Variants in ENOX1 observed in about 807,000 individuals in gnomAD.
ENOX1 encodes the protein candidate growth-related and time keeping constitutive hydroquinone (NADH) oxidase.
ENOX1 carries 42 observed loss-of-function variants against 82.5 expected under a neutral mutation model. The ratio of observed to expected loss-of-function variants is 0.51; its 90% confidence interval spans 0.40 to 0.66. The LOEUF (loss-of-function observed/expected upper bound fraction) is 0.66. Among genes scored for constraint, ENOX1 ranks in the 30% least tolerant of loss-of-function variants. The pLI, the probability that ENOX1 is intolerant of heterozygous loss-of-function variation, is 0.00. For synonymous variants in ENOX1, 271 were observed against 282.2 expected, an observed-to-expected ratio of 0.96 and a Z score of 0.40; for missense variants, 608 against 811.6, an observed-to-expected ratio of 0.75 and a Z score of 3.05.
chr13:43,641,520 T>C (rs1458961392), intron 2 of ENOX1, among the ~76,000 whole-genome samples: 1 of 117,556 alleles, frequency 8.5e-6, no homozygotes, highest in Non-Finnish European at 1.7e-5. Context: ...AGAGTAACAT[T>C]AATTTTTAAT....
At chr13:43,658,797 G>T (rs2084571629) in intron 2 of ENOX1, among the ~76,000 whole-genome samples, 1 of 152,070 alleles carries the variant, frequency 6.6e-6, no homozygotes, top group South Asian at 2.1e-4. Context: ...CTCTTGTGTT[G>T]GTCCTATCTC....
At position 43,750,349 on chromosome 13, in the gene ENOX1, T is replaced by C. The variant is rs200961794; in HGVS notation, c.-285+36303A>G. 3.9e-5 allele frequency among the ~76,000 whole-genome samples: 6 copies of C among 152,252 alleles called. No individual in the cohort carries two copies. The East Asian group carries it at 1.2e-3, about 29-fold the overall frequency. ...CAGTATTATTATTTCCAGCATCCCT[T>C]AATAGTGTCAAAAGCATAACATTCC... On this transcript the variant is annotated intron_variant, in intron 1 of 16. Transcript: ENST00000690772.
At chr13:43,779,226 G>A (rs889009522) in intron 1 of ENOX1, among the ~76,000 whole-genome samples, 4 of 149,730 alleles carry the variant, frequency 2.7e-5, no homozygotes, top group African/African-American at 4.9e-5. Flanking sequence ...CATATCTTAC[G>A]TTGAAGAAGC....
intron 1 of ENOX1, among the ~76,000 whole-genome samples, chr13:43,773,721 T>C (rs927210827): frequency 1.3e-5 from 2 of 152,228 alleles, no homozygotes; most frequent in Admixed American, 1.3e-4. Context: ...AAAGTACTTA[T>C]CATAAGATCC....
chr13:43,535,407 C>CAA (rs1173735091), intron 2 of ENOX1, among the ~76,000 whole-genome samples: 2 of 152,170 alleles, frequency 1.3e-5, no homozygotes, highest in East Asian at 3.8e-4. Context: ...TTGCCTCTAG[C>CAA]ATCCCAGGAA....
chr13:43,658,613 G>C (rs1019059504), intron 2 of ENOX1, among the ~76,000 whole-genome samples: 12 of 152,070 alleles, frequency 7.9e-5, no homozygotes, highest in Non-Finnish European at 1.3e-4. Flanking sequence ...GCCTCCCCAA[G>C]ATCTGTAAAT....
intron 1 of ENOX1, among the ~76,000 whole-genome samples, chr13:43,778,211 A>T (rs1337672174): frequency 6.6e-6 from 1 of 152,256 alleles, no homozygotes; most frequent in Non-Finnish European, 1.5e-5. Flanking sequence ...AGCCTGCCTT[A>T]TCTTATTTCA....
chr13:43,424,548 T>C (rs1178187868), intron 3 of ENOX1, among the ~76,000 whole-genome samples: 1 of 152,194 alleles, frequency 6.6e-6, no homozygotes, highest in Admixed American at 6.5e-5. Flanking sequence ...AATAACATAT[T>C]AGTTACTCTT....
At chr13:43,374,295 G>A (rs1343069828) in intron 5 of ENOX1, among the ~76,000 whole-genome samples, 2 of 149,952 alleles carry the variant, frequency 1.3e-5, no homozygotes, top group African/African-American at 4.9e-5. Context: ...ACCCAGGCTG[G>A]AGTGCAGCAG....
Position 43,726,753 on chromosome 13 carries a change from TGA to T in ENOX1, c.-284-59211_-284-59210del, listed in dbSNP as rs1555370112. 1.9e-3 allele frequency among the ~76,000 whole-genome samples: 270 copies of T among 141,136 alleles called. 3 individuals are homozygous for T. The highest frequency in any genetic ancestry group is 5.8e-3 in the African/African-American group (200 of 34,700). The allele number at this position is 141,136 out of a possible 152,430, so 92.6% of individuals were successfully genotyped here. On this transcript the variant is annotated intron_variant, in intron 1 of 16. Transcript: ENST00000690772. ...GTGTGTGTGTGTGTGTGTGTGTGTG[TGA>T]GAGAGAGACAGGGTCTCACTGTGTC...
chr13:43,543,358 C>T lies in ENOX1; in HGVS notation c.-218-59206G>A, dbSNP rs151217157. ...TTGTTTTGGTAAGCTAGAACAGAAG[C>T]TATCGGAATATACTGTATGTAATAG... On this transcript the variant is annotated intron_variant, in intron 2 of 16. Transcript: ENST00000690772. Among the ~76,000 whole-genome samples, 917 of 152,128 alleles carry T rather than the reference C, an allele frequency of 6.0e-3. 5 individuals carry two copies. The highest frequency in any genetic ancestry group is 0.011 in the Non-Finnish European group (727 of 67,986).
Position 43,412,881 on chromosome 13 carries a change from G to T in ENOX1, c.34C>A (p.Gln12Lys), listed in dbSNP as rs745394819. ...ATCTGAGGAAGCTCCTGGGGAAGCT[G>T]GGTGATGTTCTCAACTCCACCTGCA... The part of the protein sequence containing the change: ...VDAGGVENIT[Q>K]LPQELPQMMA... Residue 12 changes from glutamine (Q) to lysine (K), a missense_variant, in exon 4 of 17, where the codon CAG becomes AAG. Gln to Lys is a moderately conservative substitution (Grantham distance 53). Transcript: ENST00000690772. 101 of 1,613,968 alleles carry T rather than the reference G, an allele frequency of 6.3e-5. No individual in the cohort carries two copies. Among genetic ancestry groups the T allele is most frequent in the Admixed American group, 1.0e-4 (6 of 59,994 alleles).
At chr13:43,543,913 C>CTTTTTTTTTTTTTTTTTTTTTTT (rs11324994) in intron 2 of ENOX1, 5 of 97,422 alleles carry the variant, frequency 5.1e-5, no homozygotes, top group Non-Finnish European at 1.0e-4. Context: ...TTTTCTTTTT[C>CTTTTTTTTTTTTTTTTTTTTTTT]TTTTTTTTTT....
intron 7 of ENOX1, among the ~76,000 whole-genome samples, chr13:43,356,728 A>G (rs2050182421): frequency 6.6e-6 from 1 of 152,142 alleles, no homozygotes; most frequent in Non-Finnish European, 1.5e-5. Context: ...CAAAAGCCAC[A>G]ATTACCAAGG....
intron 5 of ENOX1, among the ~76,000 whole-genome samples, chr13:43,373,378 C>A (rs188851246): frequency 1.3e-5 from 2 of 152,212 alleles, no homozygotes; most frequent in East Asian, 3.9e-4. Flanking sequence ...ATTTTTCATG[C>A]CTGGAAATGA....
chr13:43,684,015 C>T (rs762364785), intron 1 of ENOX1, among the ~76,000 whole-genome samples: 1 of 142,396 alleles, frequency 7.0e-6, no homozygotes, highest in Non-Finnish European at 1.5e-5. Flanking sequence ...CAAGGCCTAC[C>T]TTAAAATGTA....
intron 2 of ENOX1, among the ~76,000 whole-genome samples, chr13:43,664,319 A>G (rs1472655395): frequency 6.6e-6 from 1 of 152,220 alleles, no homozygotes; most frequent in Non-Finnish European, 1.5e-5. Context: ...AGACAAAGCA[A>G]CAACAATAAA....
intron 2 of ENOX1, among the ~76,000 whole-genome samples, chr13:43,619,234 T>G (rs975875126): frequency 2.6e-5 from 4 of 152,146 alleles, no homozygotes; most frequent in Non-Finnish European, 4.4e-5. Context: ...CTTTATTTCT[T>G]TCTCTTGTCT....
At chr13:43,626,354 T>C (rs1454492563) in intron 2 of ENOX1, among the ~76,000 whole-genome samples, 1 of 151,910 alleles carries the variant, frequency 6.6e-6, no homozygotes, top group Non-Finnish European at 1.5e-5. Context: ...ATCTCCCTTT[T>C]TCTGCTTCAA....
Sources: allele counts gnomAD v4.1 joint callset (sites outside exome capture counted in the v4.1 genomes callset), GRCh38; gene constraint gnomAD v4.1.1; transcripts MANE v1.5; gene names NCBI Gene and HGNC (gene_info 2026-07-23, HGNC 2026-07-21).